The following PALMD variants were observed in gnomAD, a reference collection of about 807,000 sequenced individuals.
The protein encoded by PALMD is paralemmin-like protein.
A neutral mutation model predicts 56.2 loss-of-function variants in PALMD; 42 were observed. That is an observed-to-expected ratio of 0.75 (90% CI 0.58 to 0.97). The LOEUF is 0.97. Among genes scored for constraint, PALMD ranks in the 50% least tolerant of loss-of-function variants. PALMD has a pLI of 0.00. For synonymous variants in PALMD, 242 were observed against 222.9 expected (o/e 1.09, Z -0.76); for missense variants, 660 against 643.8 (o/e 1.03, Z -0.27).
At chr1:99,692,646 G>A (rs1295819080) in intron 7 of PALMD, among the ~76,000 whole-genome samples, 2 of 152,166 alleles carry the variant, frequency 1.3e-5, no homozygotes, top group African/African-American at 4.8e-5. Flanking sequence ...ATCTTACAGT[G>A]AGGAGTGACT....
chr1:99,679,274 C>T (rs1410741537), intron 3 of PALMD, among the ~76,000 whole-genome samples: 1 of 152,166 alleles, frequency 6.6e-6, no homozygotes, highest in East Asian at 1.9e-4. Flanking sequence ...GTAATACAAT[C>T]AAATTGCATT....
At chr1:99,660,800 T>C (rs1456577211) in intron 1 of PALMD, among the ~76,000 whole-genome samples, 1 of 152,160 alleles carries the variant, frequency 6.6e-6, no homozygotes, top group Non-Finnish European at 1.5e-5. Context: ...GCAGGAGGAT[T>C]GTTTGAGCCC....
Position 99,646,328 on chromosome 1 carries a change from C to G in PALMD, c.11C>G (p.Ala4Gly), listed in dbSNP as rs1000600434. ...TCCTTGACTTCTAGAATGGAAGAAG[C>G]TGAGCTGGTGAAGGGAAGACTCCAG... MEE[A>G]ELVKGRLQAI... The change falls in exon 1 of 8, where the codon GCT becomes GGT. Residue 4 changes from alanine to glycine, a missense_variant. Transcript: ENST00000263174. 2 of 1,613,094 alleles carry G rather than the reference C, an allele frequency of 1.2e-6. No homozygotes were observed. The highest frequency in any genetic ancestry group is 2.7e-5 in the African/African-American group (2 of 74,908).
At position 99,689,582 on chromosome 1, in the gene PALMD, A is replaced by T; in HGVS notation, c.1322A>T (p.His441Leu). 1 of 1,613,868 alleles carries T rather than the reference A, an allele frequency of 6.2e-7. No individual in the cohort carries two copies. Among genetic ancestry groups the T allele is most frequent in the Non-Finnish European group, 8.5e-7 (1 of 1,179,862 alleles). ...KFLTGYDGII[H>L]AELVVIDDEE... Reference sequence around the variant, plus strand: ...CTGACAGGATATGATGGGATCATCCATGCTGAGCTGGTTGTGATTGATGAT... The same window carrying T: ...CTGACAGGATATGATGGGATCATCCTTGCTGAGCTGGTTGTGATTGATGAT... The change falls in exon 7 of 8, where the codon CAT (histidine) becomes CTT (leucine). Residue 441 changes from histidine to leucine, a missense_variant. Physicochemically the swap from His to Leu is moderately conservative, Grantham distance 99 (BLOSUM62 -3). Coordinates refer to ENST00000263174, the MANE Select transcript of PALMD (RefSeq NM_017734.5).
intron 1 of PALMD, among the ~76,000 whole-genome samples, chr1:99,656,138 T>C (rs1421371088): frequency 6.6e-6 from 1 of 152,216 alleles, no homozygotes; most frequent in Non-Finnish European, 1.5e-5. Flanking sequence ...TTTTTTTAAA[T>C]AGTAGCTCTC....
intron 2 of PALMD, 91 bp from the exon 3 acceptor site, chr1:99,667,551 C>A: frequency 1.0e-6 from 1 of 1,004,280 alleles, no homozygotes. Flanking sequence ...TAACGTGTCA[C>A]CTATTGAAAT....
intron 3 of PALMD, chr1:99,684,951 A>C (rs1467545901): frequency 6.6e-6 from 1 of 152,222 alleles, no homozygotes; most frequent in Non-Finnish European, 1.5e-5. Context: ...TGAAGCAATG[A>C]TTTGAACCTT....
At chr1:99,692,211 T>C (rs1653666632) in intron 7 of PALMD, among the ~76,000 whole-genome samples, 1 of 152,192 alleles carries the variant, frequency 6.6e-6, no homozygotes, top group African/African-American at 2.4e-5. Context: ...CTTCCAGCTC[T>C]ATTCTGTCCT....
intron 3 of PALMD, among the ~76,000 whole-genome samples, chr1:99,680,845 T>C (rs575491764): frequency 2.0e-4 from 30 of 151,608 alleles, no homozygotes; most frequent in African/African-American, 7.3e-4. Context: ...TGTGTGTATA[T>C]ATATGCATAT....
intron 1 of PALMD, among the ~76,000 whole-genome samples, chr1:99,655,309 TAAA>T: frequency 6.6e-6 from 1 of 152,260 alleles, no homozygotes; most frequent in South Asian, 2.1e-4. Context: ...ATTAAAAACA[TAAA>T]AAACTTAATA....
intron 7 of PALMD, 118 bp downstream of exon 7, chr1:99,689,990 A>AT (rs371573956): frequency 2.4e-6 from 2 of 823,710 alleles, no homozygotes; most frequent in Non-Finnish European, 1.9e-6. Flanking sequence ...ACGCACTGAG[A>AT]TTTTTTTATT....
intron 3 of PALMD, among the ~76,000 whole-genome samples, chr1:99,674,297 G>A (rs1356695798): frequency 6.6e-6 from 1 of 151,920 alleles, no homozygotes; most frequent in African/African-American, 2.4e-5. Context: ...AATAAACTCT[G>A]AGGGTCCTCC....
intron 2 of PALMD, among the ~76,000 whole-genome samples, chr1:99,665,493 A>G (rs1263565576): frequency 1.3e-5 from 2 of 152,220 alleles, no homozygotes; most frequent in African/African-American, 4.8e-5. Flanking sequence ...CGAGGCATAA[A>G]TGAAAATTTA....
chr1:99,681,383 C>G lies in PALMD; in HGVS notation c.252-5293C>G, dbSNP rs1653341820. ...AAATTTTTTCTCTTCCCCAAAACTACCTTTGGGAAGGGATTAGGAATGAGT... is the reference window on the plus strand; with the variant it reads ...AAATTTTTTCTCTTCCCCAAAACTAGCTTTGGGAAGGGATTAGGAATGAGT... On this transcript the variant is annotated intron_variant, in intron 3 of 7. Transcript: ENST00000263174. Among the ~76,000 whole-genome samples, 3 of 152,044 alleles carry G rather than the reference C, an allele frequency of 2.0e-5. No individual in the cohort carries two copies. In the South Asian group the frequency reaches 6.2e-4, roughly 32 times the overall value.
intron 1 of PALMD, among the ~76,000 whole-genome samples, chr1:99,653,085 C>G (rs889122714): frequency 3.3e-5 from 5 of 152,178 alleles, no homozygotes; most frequent in Non-Finnish European, 7.4e-5. Flanking sequence ...GCCAGGAATT[C>G]TCAAGACAAA....
chr1:99,654,685 T>C (rs562980790), intron 1 of PALMD, among the ~76,000 whole-genome samples: 1 of 152,308 alleles, frequency 6.6e-6, no homozygotes, highest in East Asian at 1.9e-4. Context: ...TAATAAATTA[T>C]GCAGATATAA....
chr1:99,658,521 C>A (rs1652776845), intron 1 of PALMD, among the ~76,000 whole-genome samples: 1 of 152,002 alleles, frequency 6.6e-6, no homozygotes, highest in South Asian at 2.1e-4. Flanking sequence ...CCTGTAATCC[C>A]AGCACTTTGG....
intron 3 of PALMD, among the ~76,000 whole-genome samples, chr1:99,678,807 C>T (rs7540358): frequency 0.73 from 111,135 of 151,860 alleles, 41,137 homozygotes; most frequent in African/African-American, 0.84. Flanking sequence ...GGCAAAGACA[C>T]TCTGAGAGCC....
At chr1:99,686,305 A>G (rs1653493649) in intron 3 of PALMD, 1 of 154,924 alleles carries the variant, frequency 6.5e-6, no homozygotes, top group Non-Finnish European at 1.4e-5. Flanking sequence ...GAACTACATA[A>G]TAACTACAAA....
Sources: allele counts gnomAD v4.1 joint callset (sites outside exome capture counted in the v4.1 genomes callset), GRCh38; gene constraint gnomAD v4.1.1; transcripts MANE v1.5; gene names NCBI Gene and HGNC (gene_info 2026-07-23, HGNC 2026-07-21).